Variants in P2RX1 observed in about 807,000 individuals in gnomAD.
P2RX1 encodes purinergic receptor P2X 1.
Under a neutral mutation model 50.3 loss-of-function variants are expected in P2RX1, and 42 were observed. The observed-to-expected ratio is 0.83, with a 90% CI of 0.65 to 1.08. P2RX1 has a LOEUF of 1.08. Ranked by LOEUF, P2RX1 falls within the 50% of genes least tolerant of loss-of-function variation. The pLI is 0.00. For synonymous variants in P2RX1, 199 were observed against 202.6 expected (o/e 0.98, Z 0.15); for missense variants, 449 against 529.0 (o/e 0.85, Z 1.48).
At chr17:3,908,811 T>G (rs548848857) in intron 1 of P2RX1, among the ~76,000 whole-genome samples, 104 of 151,962 alleles carry the variant, frequency 6.8e-4, no homozygotes, top group Non-Finnish European at 1.2e-3. Flanking sequence ...CAGGGTGGAG[T>G]GGCTGAGGGT....
At position 3,899,726 on chromosome 17, in the gene P2RX1, A is replaced by G. The variant is rs1260849230; in HGVS notation, c.783T>C (p.Cys261=). ...GVVGITIDWH[C]DLDWHVRHCR... ...AGTGCCGTACGTGCCAGTCCAGGTC[A>G]CAGTGCCAGTCGATGGTGATGCCAA... The change falls in exon 8 of 12, where the codon TGT becomes TGC. Residue 261 remains cysteine, a synonymous_variant. Coordinates refer to ENST00000225538, the MANE Select transcript of P2RX1 (RefSeq NM_002558.4). 6.2e-7 allele frequency: 1 copy of G among 1,614,010 alleles called. No individual in the cohort carries two copies. Among genetic ancestry groups the G allele is most frequent in the Non-Finnish European group, 8.5e-7 (1 of 1,179,902 alleles).
intron 10 of P2RX1, 39 bp from the exon 11 acceptor site, chr17:3,898,149 C>A: frequency 6.4e-7 from 1 of 1,563,754 alleles, no homozygotes; most frequent in Non-Finnish European, 8.8e-7. Flanking sequence ...CGTGGGAATC[C>A]GGGGGTGGGT....
chr17:3,915,950 G>C (rs1035659073), intron 1 of P2RX1, 139 bp downstream of exon 1: 24 of 1,034,266 alleles, frequency 2.3e-5, no homozygotes, highest in Non-Finnish European at 3.5e-5. Flanking sequence ...TTCTATTCTC[G>C]CACAGTGGCT....
Position 3,899,707 on chromosome 17 carries a change from G to A in P2RX1, c.802C>T (p.Arg268Trp), listed in dbSNP as rs778238601. The change falls in exon 8 of 12, where the codon CGG becomes TGG. Residue 268 changes from arginine to tryptophan, a missense_variant. Coordinates refer to ENST00000225538, the MANE Select transcript of P2RX1 (RefSeq NM_002558.4). Reference protein sequence around the residue: ...DWHCDLDWHVRHCRPIYEFHG... With the variant: ...DWHCDLDWHVWHCRPIYEFHG... ...AACTCATAGATGGGTCTGCAGTGCC[G>A]TACGTGCCAGTCCAGGTCACAGTGC... The A allele has an allele frequency of 1.3e-5, 21 of 1,613,792 alleles. No individual in the cohort carries two copies. Among genetic ancestry groups the A allele is most frequent in the South Asian group, 2.2e-5 (2 of 91,084 alleles).
At position 3,901,349 on chromosome 17, in the gene P2RX1, G is replaced by A. The variant is rs138255573; in HGVS notation, c.748-1588C>T. On this transcript the variant is annotated intron_variant, in intron 7 of 11. Transcript: ENST00000225538. ...CCCAAAGTGCTGGGATTACAGGCGT[G>A]AGCCACCGCACCCAGCCCTGATGAC... Among the ~76,000 whole-genome samples, 1,058 of 152,340 alleles carry A rather than the reference G, an allele frequency of 6.9e-3. 15 individuals are homozygous for A. The highest frequency in any genetic ancestry group is 0.024 in the African/African-American group (1,015 of 41,570).
chr17:3,904,665 C>T (rs1055489760), intron 3 of P2RX1, 193 bp downstream of exon 3: 9 of 634,442 alleles, frequency 1.4e-5, no homozygotes, highest in East Asian at 5.5e-5. Context: ...CCTGGTACAC[C>T]GTGTGCTGGG....
At chr17:3,899,596 C>T in intron 8 of P2RX1, 38 bp downstream of exon 8, 1 of 1,610,188 alleles carries the variant, frequency 6.2e-7, no homozygotes, top group Non-Finnish European at 8.5e-7. Flanking sequence ...CCCGCAGGAC[C>T]ACAAGGAAGA....
intron 1 of P2RX1, among the ~76,000 whole-genome samples, chr17:3,908,123 C>CTCCCAGGA (rs2056300405): frequency 6.6e-6 from 1 of 152,206 alleles, no homozygotes; most frequent in Non-Finnish European, 1.5e-5. Flanking sequence ...TTCGACGTGT[C>CTCCCAGGA]TCCCAGGAGG....
Position 3,902,333 on chromosome 17 carries a change from C to A in P2RX1, c.747+869G>T, listed in dbSNP as rs551525994. 8.0e-4 allele frequency among the ~76,000 whole-genome samples: 121 copies of A among 151,530 alleles called. 1 individual carries two copies. The South Asian group carries it at 0.023, about 29-fold the overall frequency. ...TTTTTTGACAGAGTCTTGCTCTGTC[C>A]CCGAGTCTGGAGTGCAGTGGCGTGA... On this transcript the variant is annotated intron_variant, in intron 7 of 11. Coordinates refer to ENST00000225538, the MANE Select transcript of P2RX1 (RefSeq NM_002558.4).
intron 1 of P2RX1, 43 bp downstream of exon 1, chr17:3,916,046 G>A (rs764033167): frequency 4.3e-6 from 7 of 1,610,764 alleles, no homozygotes; most frequent in Admixed American, 3.3e-5. Flanking sequence ...GGACAGGCCC[G>A]GGGTAGGGGC....
chr17:3,898,024 G>A lies in P2RX1; in HGVS notation c.1119C>T (p.Asp373=). The A allele has an allele frequency of 6.2e-7, 1 of 1,613,670 alleles. No individual in the cohort carries two copies. The highest frequency in any genetic ancestry group is 8.5e-7 in the Non-Finnish European group (1 of 1,179,888). Residue 373 remains aspartate (D), a synonymous_variant, in exon 11 of 12, where the codon GAC becomes GAT. Coordinates refer to ENST00000225538, the MANE Select transcript of P2RX1 (RefSeq NM_002558.4). The part of the protein sequence containing the change: ...YKQKKFKYAE[D]MGPGAAERDL... ...GTTCTCTTACCGCCCCTGGCCCCAT[G>A]TCCTCAGCGTATTTGAACTTCTTCT...
intron 8 of P2RX1, 66 bp from the exon 9 acceptor site, chr17:3,899,090 C>A: frequency 9.1e-7 from 1 of 1,099,610 alleles, no homozygotes; most frequent in East Asian, 2.4e-5. Context: ...GAGTTCTTAG[C>A]GCATCAGGGA....
At chr17:3,913,095 T>G (rs970805057) in intron 1 of P2RX1, among the ~76,000 whole-genome samples, 1 of 151,144 alleles carries the variant, frequency 6.6e-6, no homozygotes, top group Admixed American at 6.6e-5. Flanking sequence ...GACAGAGAGC[T>G]CATCAGCTCT....
At chr17:3,915,445 G>A (rs1282191903) in intron 1 of P2RX1, 10 of 456,346 alleles carry the variant, frequency 2.2e-5, no homozygotes, top group Admixed American at 1.4e-4. Flanking sequence ...CTGCAGGAGC[G>A]TCCCACGCTG....
Position 3,903,707 on chromosome 17 carries a change from A to G in P2RX1, c.525-76T>C, listed in dbSNP as rs1567652228. On this transcript the variant is annotated intron_variant, in intron 5 of 11. Coordinates refer to ENST00000225538, the MANE Select transcript of P2RX1 (RefSeq NM_002558.4). This position sits in a 1 kb window ranked among gnomAD's most constrained non-coding sequence, Gnocchi z 4.6. Reference sequence around the variant, plus strand: ...TGTCCCACACAGAGCTTGGCACAGCAGGGGGTGGGCCGAGCCTCCGGGACC... The same window carrying G: ...TGTCCCACACAGAGCTTGGCACAGCGGGGGGTGGGCCGAGCCTCCGGGACC... The G allele has an allele frequency of 1.3e-6, 2 of 1,506,530 alleles. No homozygotes were observed. The highest frequency in any genetic ancestry group is 4.5e-5 in the East Asian group (2 of 44,296). 93.3% of individuals were successfully genotyped at this position (1,506,530 alleles called of 1,614,324 possible). A position where few individuals can be genotyped will look rare whatever the true frequency, so the allele number is the denominator to read the frequency against.
chr17:3,898,425 G>T, intron 10 of P2RX1, 59 bp downstream of exon 10: 1 of 1,346,152 alleles, frequency 7.4e-7, no homozygotes, highest in Admixed American at 1.7e-5. Flanking sequence ...TGCTGCTACT[G>T]AATTGTGGAA....
chr17:3,905,338 T>TTGA lies in P2RX1; in HGVS notation c.166_167insTCA (p.Gln56delinsLeuLys). 2 of 1,613,872 alleles carry TTGA rather than the reference T, an allele frequency of 1.2e-6. No homozygotes were observed. Among genetic ancestry groups the TTGA allele is most frequent in the Admixed American group, 1.7e-5 (1 of 60,034 alleles). On this transcript the variant is annotated protein_altering_variant, in exon 2 of 12. Transcript: ENST00000225538. ...ACTGCTGATGAGGCCGCTCGAGGTCTGGTAGCCCTTCTCATAGAGAAACAC... is the reference window on the plus strand; with the variant it reads ...ACTGCTGATGAGGCCGCTCGAGGTCTTGAGGTAGCCCTTCTCATAGAGAAACAC...
Position 3,903,656 on chromosome 17 carries a change from C to T in P2RX1, c.525-25G>A, listed in dbSNP as rs529371862. The T allele has an allele frequency of 1.1e-5, 17 of 1,610,370 alleles. No individual in the cohort carries two copies. In the Admixed American group the frequency reaches 1.3e-4, roughly 13 times the overall value. ...GCTGGAGGACACCACACGCACTCAC[C>T]GCCCCTCCCCAGGAGGCCCCCTGTG... On this transcript the variant is annotated intron_variant, in intron 5 of 11. Coordinates refer to ENST00000225538, the MANE Select transcript of P2RX1 (RefSeq NM_002558.4). The surrounding 1 kb of genome is among the most constrained non-coding windows in gnomAD (Gnocchi z 4.6).
chr17:3,904,963 GCT>G, intron 2 of P2RX1, 34 bp from the exon 3 acceptor site: 2 of 435,312 alleles, frequency 4.6e-6, no homozygotes, highest in African/African-American at 2.1e-5. Flanking sequence ...GGTGGGGTGG[GCT>G]GGGAGCTGGG....
Sources: allele counts gnomAD v4.1 joint callset (sites outside exome capture counted in the v4.1 genomes callset), GRCh38; gene constraint gnomAD v4.1.1; non-coding constraint Gnocchi (gnomAD v3.1); transcripts MANE v1.5; gene names NCBI Gene and HGNC (gene_info 2026-07-23, HGNC 2026-07-21).